The following FRMD5 variants were observed in gnomAD, a reference collection of about 807,000 sequenced individuals.
FRMD5 encodes the protein FERM domain-containing protein 5.
Under a neutral mutation model 69.0 loss-of-function variants are expected in FRMD5, and 20 were observed. The ratio of observed to expected loss-of-function variants is 0.29; its 90% CI spans 0.20 to 0.42. The LOEUF (loss-of-function observed/expected upper bound fraction) is 0.42, where lower values mean the gene tolerates loss of function less well. Ranked by LOEUF, FRMD5 falls within the 10% of genes least tolerant of loss-of-function variation. The pLI is 1.00. For missense variants in FRMD5, 595 were observed against 708.6 expected, an observed-to-expected ratio of 0.84 and a Z score of 1.82; for synonymous variants, 271 against 260.1, an observed-to-expected ratio of 1.04 and a Z score of -0.40.
At chr15:43,923,617 A>G (rs2089533897) in intron 2 of FRMD5, among the ~76,000 whole-genome samples, 1 of 152,194 alleles carries the variant, frequency 6.6e-6, no homozygotes, top group South Asian at 2.1e-4. Flanking sequence ...GGTTGGGGAG[A>G]TGAAGCTGGA....
rs529091706 is a variant in FRMD5, at chr15:43,968,412, G to A, written c.103-44103C>T. Among the ~76,000 whole-genome samples the A allele has an allele frequency of 7.2e-5, 11 of 152,290 alleles. No homozygotes were observed. In the South Asian group the frequency reaches 2.1e-3, roughly 29 times the overall value. Reference sequence around the variant, plus strand: ...CATTCCTATTCGTACCAAGATGTGAGAAGTTGAAGAGCAAAATAATTGACC... The same window carrying A: ...CATTCCTATTCGTACCAAGATGTGAAAAGTTGAAGAGCAAAATAATTGACC... On this transcript the variant is annotated intron_variant, in intron 1 of 13. Transcript: ENST00000417257.
In FRMD5 at chr15:43,905,946, T is replaced by G; in HGVS notation, c.433A>C (p.Ile145Leu). The change falls in exon 6 of 14, where the codon ATT becomes CTT. Residue 145 changes from isoleucine (I) to leucine (L), a missense_variant. This residue lies in a region of FRMD5 where 51 missense variants were observed against 41.7 expected (regional missense o/e 1.22). Coordinates refer to ENST00000417257, the MANE Select transcript of FRMD5 (RefSeq NM_032892.5). ...TGTTTCCCTGAGTCATAATCCCCAATCTCCGCTTTCAAAAGGAAGGTGGAA... is the reference window on the plus strand; with the variant it reads ...TGTTTCCCTGAGTCATAATCCCCAAGCTCCGCTTTCAAAAGGAAGGTGGAA... ...LLAAYILQAE[I>L]GDYDSGKHPE... The G allele has an allele frequency of 6.2e-7, 1 of 1,614,128 alleles. No homozygotes were observed. Among genetic ancestry groups the G allele is most frequent in the Non-Finnish European group, 8.5e-7 (1 of 1,180,032 alleles).
At chr15:44,133,759 A>G (rs559710856) in intron 1 of FRMD5, among the ~76,000 whole-genome samples, 1 of 152,188 alleles carries the variant, frequency 6.6e-6, no homozygotes, top group Non-Finnish European at 1.5e-5. Flanking sequence ...AGGAAAAAGA[A>G]GAAGAAGCCT....
chr15:44,163,416 G>A (rs908512669), intron 1 of FRMD5, among the ~76,000 whole-genome samples: 1 of 152,122 alleles, frequency 6.6e-6, no homozygotes, highest in African/African-American at 2.4e-5. Flanking sequence ...GAGGGGTTGG[G>A]CATTCTAATA....
At chr15:43,889,236 G>A (rs1459168813) in intron 8 of FRMD5, among the ~76,000 whole-genome samples, 1 of 152,188 alleles carries the variant, frequency 6.6e-6, no homozygotes, top group Non-Finnish European at 1.5e-5. Context: ...ACTGTCAAAC[G>A]TAAGATGCCA....
At chr15:44,130,743 G>A (rs567101127) in intron 1 of FRMD5, among the ~76,000 whole-genome samples, 31 of 152,052 alleles carry the variant, frequency 2.0e-4, no homozygotes, top group Admixed American at 1.7e-3. Flanking sequence ...ATCTCTTGTG[G>A]AACTTTCATT....
chr15:44,143,186 C>T (rs1264798064), intron 1 of FRMD5, among the ~76,000 whole-genome samples: 1 of 152,124 alleles, frequency 6.6e-6, no homozygotes, highest in Non-Finnish European at 1.5e-5. Context: ...ACATGGGGCA[C>T]CTATCCCACC....
intron 1 of FRMD5, among the ~76,000 whole-genome samples, chr15:44,070,068 C>T (rs931542223): frequency 6.6e-6 from 1 of 152,140 alleles, no homozygotes; most frequent in Non-Finnish European, 1.5e-5. Flanking sequence ...ACTTCTACCA[C>T]TATTGAAATG....
At chr15:44,052,235 A>G (rs1414570216) in intron 1 of FRMD5, among the ~76,000 whole-genome samples, 1 of 152,150 alleles carries the variant, frequency 6.6e-6, no homozygotes, top group Non-Finnish European at 1.5e-5. Flanking sequence ...TTGGGTTACA[A>G]TGCAATACTA....
At chr15:43,881,324 ATG>A (rs2088523326) in intron 13 of FRMD5, among the ~76,000 whole-genome samples, 1 of 152,208 alleles carries the variant, frequency 6.6e-6, no homozygotes, top group Non-Finnish European at 1.5e-5. Context: ...ACTTCCTGAG[ATG>A]TACACCCCAA....
chr15:44,193,273 A>G (rs1304153603), intron 1 of FRMD5, among the ~76,000 whole-genome samples: 2 of 152,238 alleles, frequency 1.3e-5, no homozygotes, highest in African/African-American at 4.8e-5. Context: ...AAGTATTCTT[A>G]GGACTTATAA....
At chr15:44,062,825 A>AT (rs974231527) in intron 1 of FRMD5, among the ~76,000 whole-genome samples, 9 of 151,930 alleles carry the variant, frequency 5.9e-5, no homozygotes, top group South Asian at 4.2e-4. Flanking sequence ...GACTACTGTA[A>AT]TTTTTTTTGT....
chr15:44,106,786 T>C (rs1168105803), intron 1 of FRMD5, among the ~76,000 whole-genome samples: 1 of 152,216 alleles, frequency 6.6e-6, no homozygotes, highest in Non-Finnish European at 1.5e-5. Flanking sequence ...CAACTAGTAC[T>C]GGGACTGAAA....
chr15:44,036,415 ATAGAGGAG>A (rs1456727822), intron 1 of FRMD5, among the ~76,000 whole-genome samples: 1 of 151,812 alleles, frequency 6.6e-6, no homozygotes, highest in Non-Finnish European at 1.5e-5. Context: ...GTCTTTGAAA[ATAGAGGAG>A]AGAAGTTGTT....
At chr15:43,936,380 G>A (rs552355580) in intron 1 of FRMD5, among the ~76,000 whole-genome samples, 3 of 152,068 alleles carry the variant, frequency 2.0e-5, no homozygotes, top group Admixed American at 6.5e-5. Flanking sequence ...TCTGAAGAGG[G>A]GGGTCTCCCT....
At position 43,971,998 on chromosome 15, in the gene FRMD5, C is replaced by G. The variant is rs868659129; in HGVS notation, c.103-47689G>C. On this transcript the variant is annotated intron_variant, in intron 1 of 13. Coordinates refer to ENST00000417257, the MANE Select transcript of FRMD5 (RefSeq NM_032892.5). ...TTTGCCTGAGGTCAGGAGTTTGAGA[C>G]CATCCTGGCCAACATAGCAAGACCT... Among the ~76,000 whole-genome samples, 11 of 150,442 alleles carry G rather than the reference C, an allele frequency of 7.3e-5. 1 individual carries two copies. The South Asian group carries it at 2.3e-3, about 31-fold the overall frequency.
At chr15:43,950,311 C>A (rs911944953) in intron 1 of FRMD5, among the ~76,000 whole-genome samples, 1 of 152,148 alleles carries the variant, frequency 6.6e-6, no homozygotes, top group Non-Finnish European at 1.5e-5. Context: ...TTAATGAGAT[C>A]CTAAATTCAA....
rs1408176744 is a variant in FRMD5, at chr15:43,873,256, A to G, written c.*629T>C. On this transcript the variant is annotated 3_prime_UTR_variant, in exon 14 of 14. Coordinates refer to ENST00000417257, the MANE Select transcript of FRMD5 (RefSeq NM_032892.5). The stretch of plus-strand genomic sequence containing the variant: ...ATTTGAAAAAACAAAAGGAAAAGAA[A>G]ATCCAACTCAGACCATCATAAGAAG... 6.5e-7 allele frequency: 1 copy of G among 1,548,042 alleles called. No homozygotes were observed.
chr15:43,993,788 T>C (rs968072624), intron 1 of FRMD5, among the ~76,000 whole-genome samples: 2 of 152,224 alleles, frequency 1.3e-5, no homozygotes, highest in African/African-American at 4.8e-5. Context: ...ATATGTATAA[T>C]TGTTATAGTC....
Sources: allele counts gnomAD v4.1 joint callset (sites outside exome capture counted in the v4.1 genomes callset), GRCh38; gene constraint gnomAD v4.1.1; regional missense constraint gnomAD v4.1.1; transcripts MANE v1.5; gene names NCBI Gene and HGNC (gene_info 2026-07-23, HGNC 2026-07-21).